Variants in KAZN observed in about 807,000 individuals in gnomAD.
KAZN encodes kazrin.
Under a neutral mutation model 87.4 loss-of-function variants are expected in KAZN, and 40 were observed. The observed-to-expected ratio is 0.46, with a 90% CI of 0.36 to 0.60. The LOEUF is 0.60. Ranked by LOEUF, KAZN falls within the 20% of genes least tolerant of loss-of-function variation. KAZN has a pLI of 0.00. For synonymous variants in KAZN, 466 were observed against 458.3 expected (o/e 1.02, Z -0.22); for missense variants, 898 against 1,073.9 (o/e 0.84, Z 2.29).
chr1:14,645,341 G>A (rs529578372), intron 1 of KAZN, among the ~76,000 whole-genome samples: 8 of 152,188 alleles, frequency 5.3e-5, no homozygotes, highest in Non-Finnish European at 1.0e-4. Flanking sequence ...TATGAAGAAT[G>A]TTGGTGGTAG....
At chr1:14,137,411 C>T (rs996135179) in intron 1 of KAZN, among the ~76,000 whole-genome samples, 5 of 152,158 alleles carry the variant, frequency 3.3e-5, no homozygotes, top group African/African-American at 1.2e-4. Flanking sequence ...CTGACCAGAA[C>T]CAGAGATTTC....
At chr1:13,927,364 G>A (rs952379428) in intron 1 of KAZN, among the ~76,000 whole-genome samples, 2 of 152,178 alleles carry the variant, frequency 1.3e-5, no homozygotes, top group African/African-American at 2.4e-5. Context: ...TTACAGAGAG[G>A]GCTTAAAATG....
At chr1:14,162,153 C>A (rs1004047331) in intron 1 of KAZN, among the ~76,000 whole-genome samples, 2 of 152,114 alleles carry the variant, frequency 1.3e-5, no homozygotes, top group African/African-American at 4.8e-5. Flanking sequence ...AGTCACTGTT[C>A]CTTTTATATA....
At chr1:15,075,761 G>A (rs1639711310) in intron 8 of KAZN, among the ~76,000 whole-genome samples, 2 of 152,302 alleles carry the variant, frequency 1.3e-5, no homozygotes, top group East Asian at 1.9e-4. Context: ...AGAAGAGCCC[G>A]ACAGATTGGC....
chr1:14,861,240 C>T (rs1036620060), intron 1 of KAZN, among the ~76,000 whole-genome samples: 4 of 152,090 alleles, frequency 2.6e-5, no homozygotes, highest in Non-Finnish European at 4.4e-5. Flanking sequence ...TAGCTGGGTA[C>T]GGTGACTCAA....
chr1:13,954,568 T>C (rs535807505), intron 1 of KAZN, among the ~76,000 whole-genome samples: 1 of 152,236 alleles, frequency 6.6e-6, no homozygotes, highest in South Asian at 2.1e-4. Context: ...AGGGAATGCT[T>C]GTGTTCATGC....
At chr1:13,896,395 TC>T (rs1639045381) in intron 1 of KAZN, among the ~76,000 whole-genome samples, 1 of 152,182 alleles carries the variant, frequency 6.6e-6, no homozygotes, top group Non-Finnish European at 1.5e-5. Flanking sequence ...GCTCAAGCGA[TC>T]CTCCCATCTC....
chr1:14,440,627 A>G (rs1024098975), intron 2 of KAZN, among the ~76,000 whole-genome samples: 4 of 152,206 alleles, frequency 2.6e-5, no homozygotes, highest in Non-Finnish European at 5.9e-5. Flanking sequence ...CATAATTTGC[A>G]GGGGTCCCAG....
At chr1:14,365,939 T>C (rs1659960794) in intron 2 of KAZN, among the ~76,000 whole-genome samples, 1 of 152,248 alleles carries the variant, frequency 6.6e-6, no homozygotes, top group Admixed American at 6.5e-5. Flanking sequence ...AGCAGATCTT[T>C]CTGATGAGAT....
At chr1:14,514,595 TTA>T (rs754845099) in intron 2 of KAZN, among the ~76,000 whole-genome samples, 241 of 66,464 alleles carry the variant, frequency 3.6e-3, no homozygotes, top group Admixed American at 0.01. Context: ...TTTTTATATT[TTA>T]TATATATATA....
intron 1 of KAZN, among the ~76,000 whole-genome samples, chr1:13,971,086 T>G (rs1205199847): frequency 1.3e-5 from 2 of 152,154 alleles, no homozygotes; most frequent in Non-Finnish European, 2.9e-5. Context: ...GTGCTAGACA[T>G]GTCTGGGAGT....
intron 2 of KAZN, among the ~76,000 whole-genome samples, chr1:14,401,029 T>C (rs1028264416): frequency 6.6e-6 from 1 of 152,152 alleles, no homozygotes; most frequent in Non-Finnish European, 1.5e-5. Context: ...CAAGGAAGCA[T>C]AAATGCTGTA....
intron 1 of KAZN, among the ~76,000 whole-genome samples, chr1:14,940,473 C>G (rs10927587): frequency 0.052 from 7,884 of 152,262 alleles, 627 homozygotes; most frequent in African/African-American, 0.18. Flanking sequence ...CACCATGGCA[C>G]GGGGGCCAGC....
chr1:14,413,915 C>T (rs1024953967), intron 2 of KAZN, among the ~76,000 whole-genome samples: 1 of 152,096 alleles, frequency 6.6e-6, no homozygotes, highest in African/African-American at 2.4e-5. Context: ...AGACAAAATA[C>T]GAATGGCTTC....
At chr1:14,841,487 C>T (rs1335643997) in intron 1 of KAZN, among the ~76,000 whole-genome samples, 1 of 149,626 alleles carries the variant, frequency 6.7e-6, no homozygotes, top group African/African-American at 2.5e-5. Flanking sequence ...GGAGAGGACA[C>T]TCCCTGGCCA....
chr1:14,507,198 C>T (rs1461561984), intron 2 of KAZN, among the ~76,000 whole-genome samples: 1 of 152,182 alleles, frequency 6.6e-6, no homozygotes, highest in East Asian at 1.9e-4. Context: ...AGTACTGGAT[C>T]TCTTGCTTTC....
At chr1:14,526,349 C>G (rs1277175588) in intron 2 of KAZN, among the ~76,000 whole-genome samples, 1 of 152,182 alleles carries the variant, frequency 6.6e-6, no homozygotes, top group Non-Finnish European at 1.5e-5. Context: ...ATTTGGGCCT[C>G]TTTGTTGCCC....
chr1:13,981,504 C>T (rs868293713), intron 1 of KAZN, among the ~76,000 whole-genome samples: 3 of 152,036 alleles, frequency 2.0e-5, no homozygotes, highest in South Asian at 2.1e-4. Context: ...CAATGGGATG[C>T]GTGTCAAAGA....
chr1:14,528,466 C>T (rs377174544), intron 2 of KAZN, among the ~76,000 whole-genome samples: 18 of 151,956 alleles, frequency 1.2e-4, no homozygotes, highest in African/African-American at 4.3e-4. Flanking sequence ...CCTACCTATC[C>T]ACGTGATGAC....
Sources: allele counts gnomAD v4.1 joint callset (sites outside exome capture counted in the v4.1 genomes callset), GRCh38; gene constraint gnomAD v4.1.1; transcripts MANE v1.5; gene names NCBI Gene and HGNC (gene_info 2026-07-23, HGNC 2026-07-21).